The following SMC6 variants were observed in gnomAD, a reference collection of about 807,000 sequenced individuals.
SMC6 encodes the protein structural maintenance of chromosomes protein 6.
In SMC6, 79 loss-of-function variants were observed where a neutral mutation model predicts 142.2. The observed-to-expected ratio is 0.56, with a 90% CI of 0.46 to 0.67. The LOEUF (loss-of-function observed/expected upper bound fraction) is 0.67. Among genes scored for constraint, SMC6 ranks in the 30% least tolerant of loss-of-function variants. The pLI, the probability that SMC6 is intolerant of heterozygous loss-of-function variation, is 0.00. For synonymous variants in SMC6, 411 were observed against 412.4 expected (o/e 1.00, Z 0.04); for missense variants, 1,072 against 1,284.0 (o/e 0.83, Z 2.52).
In SMC6 at chr2:17,664,538, A is replaced by T. The variant is rs1394707943; in HGVS notation, c.*961T>A. 6.6e-6 allele frequency: 1 copy of T among 152,242 alleles called. No homozygotes were observed. Among genetic ancestry groups the T allele is most frequent in the Non-Finnish European group, 1.5e-5 (1 of 68,048 alleles). 9.4% of individuals were successfully genotyped at this position (152,242 alleles called of 1,614,324 possible). ...TAGCATGAATCCTAGTATCAAACAA[A>T]TAATACAGGGAGCAATAAAATTCAT... On this transcript the variant is annotated 3_prime_UTR_variant, in exon 28 of 28. Coordinates refer to ENST00000448223, the MANE Select transcript of SMC6 (RefSeq NM_001142286.2).
At position 17,707,213 on chromosome 2, in the gene SMC6, T is replaced by C; in HGVS notation, c.2006+6A>G. The stretch of plus-strand genomic sequence containing the variant: ...ATGATACAGTAAAGCTAAACTTGAC[T>C]CTAACCTTATTTCAGAATCCACATC... On this transcript the variant is annotated splice_donor_region_variant and intron_variant, in intron 18 of 27. Transcript: ENST00000448223. 3 of 1,565,546 alleles carry C rather than the reference T, an allele frequency of 1.9e-6. No individual in the cohort carries two copies. Among genetic ancestry groups the C allele is most frequent in the Non-Finnish European group, 2.6e-6 (3 of 1,158,676 alleles).
chr2:17,752,645 T>G (rs1487703355), intron 2 of SMC6, among the ~76,000 whole-genome samples: 1 of 152,180 alleles, frequency 6.6e-6, no homozygotes, highest in Non-Finnish European at 1.5e-5. Flanking sequence ...CAACATAAAA[T>G]TAATACCCTA....
chr2:17,712,407 C>A (rs1374385815), intron 16 of SMC6, among the ~76,000 whole-genome samples: 1 of 152,124 alleles, frequency 6.6e-6, no homozygotes, highest in Non-Finnish European at 1.5e-5. Flanking sequence ...TGATTCAAGG[C>A]ACAAGTAGAC....
At chr2:17,690,074 C>T (rs568177249) in intron 23 of SMC6, among the ~76,000 whole-genome samples, 12 of 152,240 alleles carry the variant, frequency 7.9e-5, no homozygotes, top group African/African-American at 2.6e-4. Context: ...ATTAAAATTT[C>T]GTTTGAGCTC....
chr2:17,727,030 G>A (rs1285834952), intron 7 of SMC6, among the ~76,000 whole-genome samples: 3 of 152,260 alleles, frequency 2.0e-5, no homozygotes, highest in Middle Eastern at 3.4e-3. Context: ...CCTTCATGAG[G>A]ATATTGTAAA....
chr2:17,750,199 G>T (rs754246013), intron 2 of SMC6, among the ~76,000 whole-genome samples: 4 of 152,294 alleles, frequency 2.6e-5, no homozygotes, highest in Non-Finnish European at 4.4e-5. Flanking sequence ...ATAGAAGATA[G>T]ATGAAACAGA....
chr2:17,748,629 G>A (rs1230614483), intron 2 of SMC6, among the ~76,000 whole-genome samples: 1 of 152,142 alleles, frequency 6.6e-6, no homozygotes, highest in Non-Finnish European at 1.5e-5. Context: ...AATTCCCTGA[G>A]ATACTACCAG....
At position 17,721,236 on chromosome 2, in the gene SMC6, C is replaced by T. The variant is rs772554984; in HGVS notation, c.752G>A (p.Cys251Tyr). The part of the protein sequence containing the change: ...EERLTELKRQ[C>Y]VEKEERFQSI... ...TTGAAAACGTTCCTCTTTCTCTACACACTGGCGCTTTAGTTCAGTAAGCCG... is the reference window on the plus strand; with the variant it reads ...TTGAAAACGTTCCTCTTTCTCTACATACTGGCGCTTTAGTTCAGTAAGCCG... Residue 251 changes from cysteine to tyrosine, a missense_variant, in exon 10 of 28, where the codon TGT (cysteine) becomes TAT (tyrosine). Cys to Tyr is a radical substitution (Grantham distance 194). Around this residue, in one of 3 missense-constraint regions of SMC6, gnomAD observed 994 missense variants for 1,153.2 expected, o/e 0.86. Coordinates refer to ENST00000448223, the MANE Select transcript of SMC6 (RefSeq NM_001142286.2). 5.0e-6 allele frequency: 8 copies of T among 1,605,160 alleles called. No individual in the cohort carries two copies. The highest frequency in any genetic ancestry group is 6.8e-6 in the Non-Finnish European group (8 of 1,177,714).
At chr2:17,747,116 G>A (rs189914981) in intron 2 of SMC6, among the ~76,000 whole-genome samples, 27 of 152,264 alleles carry the variant, frequency 1.8e-4, no homozygotes, top group African/African-American at 5.5e-4. Context: ...TGGTGTCAGC[G>A]GAGACCACCT....
At chr2:17,740,313 A>G (rs1235434911) in intron 4 of SMC6, among the ~76,000 whole-genome samples, 2 of 152,174 alleles carry the variant, frequency 1.3e-5, no homozygotes, top group African/African-American at 2.4e-5. Flanking sequence ...AAAAACAACA[A>G]AAGGGACTGC....
At chr2:17,687,417 A>G (rs1667507957) in intron 23 of SMC6, among the ~76,000 whole-genome samples, 1 of 152,154 alleles carries the variant, frequency 6.6e-6, no homozygotes, top group African/African-American at 2.4e-5. Flanking sequence ...AACAGAGTAC[A>G]ATGAAGCTGT....
At chr2:17,713,034 T>C (rs1215447548) in intron 16 of SMC6, among the ~76,000 whole-genome samples, 2 of 152,242 alleles carry the variant, frequency 1.3e-5, no homozygotes, top group Non-Finnish European at 2.9e-5. Flanking sequence ...TTATCATGCA[T>C]TTAAGCATAT....
intron 23 of SMC6, among the ~76,000 whole-genome samples, chr2:17,686,534 T>C (rs1375085404): frequency 6.6e-6 from 1 of 152,088 alleles, no homozygotes; most frequent in African/African-American, 2.4e-5. Flanking sequence ...CTGAAACATT[T>C]CGAGCATTGA....
chr2:17,704,723 T>C (rs1162019766), intron 18 of SMC6, among the ~76,000 whole-genome samples: 1 of 152,110 alleles, frequency 6.6e-6, no homozygotes, highest in East Asian at 1.9e-4. Context: ...TATACAACAT[T>C]TACTGGTATG....
intron 24 of SMC6, chr2:17,679,724 T>C (rs1331289351): frequency 2.0e-5 from 3 of 152,544 alleles, no homozygotes; most frequent in Non-Finnish European, 1.5e-5. Context: ...CCCTTTTTTT[T>C]CTCAGCCCTT....
chr2:17,707,295 C>G lies in SMC6; in HGVS notation c.1930G>C (p.Val644Leu). ...REAFTADGDQ[V>L]FAGRYYSSEN... ...GATGAATAATAACGTCCTGCAAAAA[C>G]TTGATCACCATCAGCAGTAAAAGCT... Residue 644 changes from valine to leucine, a missense_variant, in exon 18 of 28, where the codon GTT becomes CTT. By Grantham distance (32) the Val-to-Leu change is conservative (BLOSUM62 1). Coordinates refer to ENST00000448223, the MANE Select transcript of SMC6 (RefSeq NM_001142286.2). The G allele has an allele frequency of 6.2e-7, 1 of 1,603,942 alleles. No individual in the cohort carries two copies. Among genetic ancestry groups the G allele is most frequent in the Non-Finnish European group, 8.5e-7 (1 of 1,175,534 alleles).
intron 21 of SMC6, 100 bp from the exon 22 acceptor site, chr2:17,696,526 T>C: frequency 1.6e-6 from 2 of 1,220,048 alleles, no homozygotes; most frequent in African/African-American, 1.5e-5. Flanking sequence ...GATTATGCTG[T>C]TTGAAGAGGC....
chr2:17,723,933 C>A (rs1391807396), intron 9 of SMC6, among the ~76,000 whole-genome samples: 1 of 152,080 alleles, frequency 6.6e-6, no homozygotes, highest in Non-Finnish European at 1.5e-5. Flanking sequence ...GAGAAAAGTT[C>A]TTATTGAGTG....
intron 21 of SMC6, among the ~76,000 whole-genome samples, chr2:17,697,169 C>T (rs1668044208): frequency 6.6e-6 from 1 of 151,852 alleles, no homozygotes; most frequent in Non-Finnish European, 1.5e-5. Flanking sequence ...GACTTCCAGT[C>T]TCATGGCGTC....
Sources: allele counts gnomAD v4.1 joint callset (sites outside exome capture counted in the v4.1 genomes callset), GRCh38; gene constraint gnomAD v4.1.1; regional missense constraint gnomAD v4.1.1; transcripts MANE v1.5; gene names NCBI Gene and HGNC (gene_info 2026-07-23, HGNC 2026-07-21).